The following AKAP19 variants were observed in gnomAD, a reference collection of about 807,000 sequenced individuals.
The protein encoded by AKAP19 is A-kinase anchoring protein 19, also known as small A-kinase anchoring protein.
the AKAP19 span, among the ~76,000 whole-genome samples, chr2:190,161,309 C>T: frequency 3.3e-5 from 5 of 152,206 alleles, no homozygotes; most frequent in African/African-American, 9.6e-5. Flanking sequence ...CATGGATGGT[C>T]CAGTAGGCCT....
the AKAP19 span, among the ~76,000 whole-genome samples, chr2:189,945,056 C>T: frequency 5.9e-5 from 9 of 151,964 alleles, no homozygotes; most frequent in African/African-American, 2.2e-4. Flanking sequence ...AAAATGGAAA[C>T]ATAACATACC....
At chr2:190,001,010 A>G in the AKAP19 span, among the ~76,000 whole-genome samples, 1 of 152,044 alleles carries the variant, frequency 6.6e-6, no homozygotes, top group Non-Finnish European at 1.5e-5. Context: ...TTTTTCTTCA[A>G]TCCTTATTCT....
chr2:189,984,065 C>A, the AKAP19 span, among the ~76,000 whole-genome samples: 2 of 152,154 alleles, frequency 1.3e-5, no homozygotes, highest in South Asian at 2.1e-4. Context: ...GACGAGATCA[C>A]AGGACCACAG....
At chr2:190,006,550 T>C in the AKAP19 span, among the ~76,000 whole-genome samples, 1 of 149,690 alleles carries the variant, frequency 6.7e-6, no homozygotes, top group Non-Finnish European at 1.5e-5. Flanking sequence ...CTGGGGAGGC[T>C]GAGGCGTTAA....
chr2:190,067,002 G>A, the AKAP19 span, among the ~76,000 whole-genome samples: 1 of 152,108 alleles, frequency 6.6e-6, no homozygotes, highest in Non-Finnish European at 1.5e-5. Context: ...TTCCATTGAG[G>A]TTTATCCCCT....
At chr2:190,175,874 G>A in the AKAP19 span, among the ~76,000 whole-genome samples, 2 of 152,214 alleles carry the variant, frequency 1.3e-5, no homozygotes, top group African/African-American at 4.8e-5. Flanking sequence ...AAGAGGTAGG[G>A]CCTTTAAGAG....
At chr2:189,976,384 C>G in the AKAP19 span, among the ~76,000 whole-genome samples, 9 of 152,202 alleles carry the variant, frequency 5.9e-5, no homozygotes, top group Non-Finnish European at 1.2e-4. Context: ...TTAGTCTGCC[C>G]CTACTGGGGG....
the AKAP19 span, among the ~76,000 whole-genome samples, chr2:189,887,698 A>G: frequency 3.6e-4 from 55 of 152,064 alleles, no homozygotes; most frequent in Admixed American, 1.4e-3. Context: ...TGTGCTTTTC[A>G]TTTGCATTTC....
At chr2:190,022,198 T>C in the AKAP19 span, among the ~76,000 whole-genome samples, 9 of 152,182 alleles carry the variant, frequency 5.9e-5, no homozygotes. Flanking sequence ...AATTTCAACA[T>C]GAATTTTGGA....
At chr2:190,089,917 C>T in the AKAP19 span, among the ~76,000 whole-genome samples, 1 of 152,178 alleles carries the variant, frequency 6.6e-6, no homozygotes, top group Admixed American at 6.5e-5. Context: ...AAACCTAACA[C>T]TGGTTCAATT....
the AKAP19 span, among the ~76,000 whole-genome samples, chr2:189,987,990 A>ACTC: frequency 7.3e-5 from 11 of 151,558 alleles, no homozygotes; most frequent in Non-Finnish European, 1.6e-4. Flanking sequence ...TTTAAAAACA[A>ACTC]TTAGGTGGAT....
chr2:190,066,319 A>T, the AKAP19 span, among the ~76,000 whole-genome samples: 7 of 152,206 alleles, frequency 4.6e-5, no homozygotes, highest in African/African-American at 1.4e-4. Context: ...TCCAAAAAAA[A>T]ATTACGGTTT....
chr2:190,032,421 G>A, the AKAP19 span, among the ~76,000 whole-genome samples: 2 of 152,140 alleles, frequency 1.3e-5, no homozygotes, highest in African/African-American at 2.4e-5. Context: ...GTTCAGGATC[G>A]TGTGTAAACT....
the AKAP19 span, among the ~76,000 whole-genome samples, chr2:190,087,348 C>T: frequency 1.3e-5 from 2 of 152,170 alleles, no homozygotes; most frequent in Non-Finnish European, 2.9e-5. Flanking sequence ...CTTAAGCCCA[C>T]ACGTGATCAA....
At chr2:190,190,409 C>T in the AKAP19 span, among the ~76,000 whole-genome samples, 1 of 152,114 alleles carries the variant, frequency 6.6e-6, no homozygotes, top group Non-Finnish European at 1.5e-5. Flanking sequence ...AAGTTATATT[C>T]CATTTTGAGG....
At chr2:190,037,781 A>C in the AKAP19 span, among the ~76,000 whole-genome samples, 1 of 152,242 alleles carries the variant, frequency 6.6e-6, no homozygotes, top group East Asian at 1.9e-4. Context: ...GTTGCAGATT[A>C]GGATTGAAGA....
the AKAP19 span, among the ~76,000 whole-genome samples, chr2:189,998,748 CTTCT>C: frequency 7.4e-4 from 96 of 129,526 alleles, no homozygotes; most frequent in African/African-American, 2.4e-3. Context: ...TTACTTTTCT[CTTCT>C]TTCTTTCTTT....
chr2:189,958,118 A>T, the AKAP19 span, among the ~76,000 whole-genome samples: 1 of 152,196 alleles, frequency 6.6e-6, no homozygotes, highest in Non-Finnish European at 1.5e-5. Context: ...ATTGACAAAG[A>T]TATTTGCTAC....
the AKAP19 span, among the ~76,000 whole-genome samples, chr2:190,156,148 G>C: frequency 6.6e-6 from 1 of 152,004 alleles, no homozygotes; most frequent in Non-Finnish European, 1.5e-5. Flanking sequence ...ATAGAATAGA[G>C]GGCTCAGAAG....
Sources: gnomAD v4.1 joint callset for allele counts (sites outside exome capture counted in the v4.1 genomes callset) on GRCh38, gnomAD v4.1.1 for gene constraint, MANE v1.5 for transcripts, NCBI Gene and HGNC (gene_info 2026-07-23, HGNC 2026-07-21) for gene names.